CUBN: variants seen among roughly 807,000 people sequenced by gnomAD.
CUBN encodes the protein 460 kDa receptor.
A neutral mutation model predicts 405.3 loss-of-function variants in CUBN; 282 were observed. The ratio of observed to expected loss-of-function variants is 0.70; its 90% CI spans 0.63 to 0.77. CUBN has a LOEUF of 0.77. Among genes scored for constraint, CUBN ranks in the 30% least tolerant of loss-of-function variants. CUBN has a pLI of 0.00. For missense variants in CUBN, 4,514 were observed against 4,475.2 expected (o/e 1.01, Z -0.25); for synonymous variants, 1,684 against 1,617.0 (o/e 1.04, Z -0.99).
intron 28 of CUBN, among the ~76,000 whole-genome samples, chr10:17,007,921 C>A (rs1001657241): frequency 6.6e-6 from 1 of 151,976 alleles, no homozygotes; most frequent in African/African-American, 2.4e-5. Context: ...TTTGAGAGGC[C>A]GAAGCAAGCA....
intron 62 of CUBN, 101 bp downstream of exon 62, chr10:16,840,229 A>C (rs1157389700): frequency 1.0e-5 from 11 of 1,097,196 alleles, no homozygotes; most frequent in Middle Eastern, 2.2e-4. Flanking sequence ...ATAATTAAAA[A>C]AAAGAAAATT....
intron 31 of CUBN, among the ~76,000 whole-genome samples, chr10:16,961,703 C>CTT (rs1843221854): frequency 2.3e-5 from 3 of 128,168 alleles, no homozygotes; most frequent in East Asian, 4.4e-4. Context: ...AAAAGCAATC[C>CTT]CTTTTTTTTT....
chr10:17,004,674 C>CTT (rs10637688), intron 28 of CUBN, among the ~76,000 whole-genome samples: 26,275 of 141,002 alleles, frequency 0.19, 2,989 homozygotes, highest in African/African-American at 0.29. Flanking sequence ...CTAAATAGCT[C>CTT]TTTTTTTTTT....
chr10:17,080,326 AG>A (rs11344391), intron 17 of CUBN, among the ~76,000 whole-genome samples: 2,911 of 152,296 alleles, frequency 0.019, 96 homozygotes, highest in African/African-American at 0.065. Context: ...ATTGCCATAG[AG>A]GTCTAAAATA....
intron 31 of CUBN, among the ~76,000 whole-genome samples, chr10:16,955,958 T>C (rs1843051138): frequency 6.6e-6 from 1 of 152,182 alleles, no homozygotes; most frequent in Admixed American, 6.5e-5. Context: ...AGTATGAAGG[T>C]AAAATATGGC....
intron 43 of CUBN, among the ~76,000 whole-genome samples, chr10:16,923,346 G>T (rs1273818774): frequency 6.6e-6 from 1 of 152,108 alleles, no homozygotes; most frequent in South Asian, 2.1e-4. Flanking sequence ...AGTGTCTCTG[G>T]AGAAAAATGG....
intron 48 of CUBN, among the ~76,000 whole-genome samples, chr10:16,911,500 G>T (rs1204848453): frequency 1.3e-5 from 2 of 152,162 alleles, no homozygotes; most frequent in African/African-American, 2.4e-5. Context: ...TAGAAATAAT[G>T]ACATAAAACC....
At chr10:16,864,588 C>T (rs996053749) in intron 59 of CUBN, among the ~76,000 whole-genome samples, 6 of 151,420 alleles carry the variant, frequency 4.0e-5, no homozygotes, top group Non-Finnish European at 7.4e-5. Flanking sequence ...TTTCTAAAGC[C>T]GTATCACCAA....
chr10:16,869,903 A>G, intron 58 of CUBN, 50 bp from the exon 59 acceptor site: 2 of 1,362,024 alleles, frequency 1.5e-6, no homozygotes, highest in Non-Finnish European at 2.1e-6. Flanking sequence ...GACTTCTATT[A>G]AATTGTAGCT....
At chr10:17,119,133 C>T (rs1410969140) in intron 6 of CUBN, among the ~76,000 whole-genome samples, 1 of 152,186 alleles carries the variant, frequency 6.6e-6, no homozygotes, top group African/African-American at 2.4e-5. Flanking sequence ...TAACTACCAC[C>T]TGAGCTAAAA....
At chr10:17,012,507 A>C (rs192570606) in intron 28 of CUBN, among the ~76,000 whole-genome samples, 1 of 152,314 alleles carries the variant, frequency 6.6e-6, no homozygotes, top group East Asian at 1.9e-4. Flanking sequence ...TGTAGTTACT[A>C]TCCTTACTGG....
chr10:16,984,452 C>T (rs1387760115), intron 29 of CUBN, among the ~76,000 whole-genome samples, 173 bp from the exon 30 acceptor site: 1 of 152,144 alleles, frequency 6.6e-6, no homozygotes, highest in Non-Finnish European at 1.5e-5. Context: ...TTCAAAGGCA[C>T]TCCCTGTGCC....
chr10:17,075,338 C>G (rs1835836001), intron 17 of CUBN, among the ~76,000 whole-genome samples: 1 of 151,766 alleles, frequency 6.6e-6, no homozygotes, highest in Non-Finnish European at 1.5e-5. Flanking sequence ...CCTGCCTTGG[C>G]CTCCTAAAGT....
At chr10:17,053,343 T>C (rs1835316309) in intron 22 of CUBN, among the ~76,000 whole-genome samples, 2 of 152,014 alleles carry the variant, frequency 1.3e-5, no homozygotes, top group Admixed American at 6.6e-5. Context: ...TGCCATTATA[T>C]ATAATGGTGA....
chr10:17,005,384 A>G (rs1833988654), intron 28 of CUBN, among the ~76,000 whole-genome samples: 1 of 152,208 alleles, frequency 6.6e-6, no homozygotes, highest in African/African-American at 2.4e-5. Flanking sequence ...TTTATACATT[A>G]AAGAGTAAGA....
chr10:17,024,116 A>G (rs946164638), intron 27 of CUBN, among the ~76,000 whole-genome samples: 2 of 152,090 alleles, frequency 1.3e-5, no homozygotes, highest in African/African-American at 2.4e-5. Context: ...TTACAATACC[A>G]TTAGTGAATT....
chr10:16,960,759 G>A (rs969824243), intron 31 of CUBN, among the ~76,000 whole-genome samples: 7 of 152,254 alleles, frequency 4.6e-5, no homozygotes, highest in Admixed American at 2.0e-4. Context: ...TGGGTAAGAG[G>A]TTAGTCACAG....
At chr10:17,018,215 T>A (rs564291509) in intron 28 of CUBN, among the ~76,000 whole-genome samples, 22 of 152,024 alleles carry the variant, frequency 1.4e-4, no homozygotes, top group Non-Finnish European at 2.6e-4. Flanking sequence ...GCCCCCAAAT[T>A]CTAAGGAAAA....
At chr10:17,103,019 A>G in intron 13 of CUBN, 106 bp downstream of exon 13, 1 of 764,440 alleles carries the variant, frequency 1.3e-6, no homozygotes, top group African/African-American at 1.7e-5. Context: ...TCAATATATG[A>G]TAGTTGAATT....
Sources: allele counts gnomAD v4.1 joint callset (sites outside exome capture counted in the v4.1 genomes callset), GRCh38; gene constraint gnomAD v4.1.1; transcripts MANE v1.5; gene names NCBI Gene and HGNC (gene_info 2026-07-23, HGNC 2026-07-21).